SYNDIG1L: variants seen among roughly 807,000 people sequenced by gnomAD.
SYNDIG1L encodes the protein synapse differentiation-inducing gene protein 1-like.
SYNDIG1L carries 13 observed loss-of-function variants against 20.1 expected under a neutral mutation model. The ratio of observed to expected loss-of-function variants is 0.65; its 90% confidence interval spans 0.42 to 1.03. The LOEUF (loss-of-function observed/expected upper bound fraction) is 1.03, where lower values mean the gene tolerates loss of function less well. Among genes scored for constraint, SYNDIG1L ranks in the 50% least tolerant of loss-of-function variants. The pLI is 0.00. For synonymous variants in SYNDIG1L, 128 were observed against 129.3 expected, an observed-to-expected ratio of 0.99 and a Z score of 0.07; for missense variants, 294 against 305.1, an observed-to-expected ratio of 0.96 and a Z score of 0.27.
At chr14:74,429,759 G>A (rs2086290205), upstream of SYNDIG1L, among the ~76,000 whole-genome samples, 1 of 152,254 alleles carries the variant, frequency 6.6e-6, no homozygotes, top group Non-Finnish European at 1.5e-5. Context: ...ACAGTTCCAA[G>A]GAAGGGTGCA....
chr14:74,476,453 G>T, the SYNDIG1L span: 1 of 1,303,958 alleles, frequency 7.7e-7, no homozygotes, highest in Non-Finnish European at 1.1e-6. Context: ...CCTTCTCCAA[G>T]CCCCTGCAGG....
chr14:74,467,065 T>C, the SYNDIG1L span, among the ~76,000 whole-genome samples: 4 of 152,226 alleles, frequency 2.6e-5, no homozygotes, highest in East Asian at 7.7e-4. Flanking sequence ...TGGGATTCTG[T>C]GTAAATGCAG....
the SYNDIG1L span, among the ~76,000 whole-genome samples, chr14:74,448,684 CT>C: frequency 2.6e-5 from 4 of 152,098 alleles, 1 homozygote; most frequent in Admixed American, 2.6e-4. Flanking sequence ...AAAGTGTGTT[CT>C]CTGATCATAA....
intron 1 of SYNDIG1L, among the ~76,000 whole-genome samples, chr14:74,417,598 G>A (rs1163600313): frequency 1.3e-5 from 2 of 152,082 alleles, no homozygotes; most frequent in Non-Finnish European, 2.9e-5. Context: ...CCATTGTTTA[G>A]ATGAGGAAAC....
chr14:74,471,759 T>G, the SYNDIG1L span, among the ~76,000 whole-genome samples: 1 of 152,192 alleles, frequency 6.6e-6, no homozygotes, highest in East Asian at 1.9e-4. Context: ...GGTACAAAAA[T>G]GAGCAAGAGT....
At chr14:74,473,003 G>T in the SYNDIG1L span, among the ~76,000 whole-genome samples, 1 of 152,174 alleles carries the variant, frequency 6.6e-6, no homozygotes, top group Non-Finnish European at 1.5e-5. Context: ...GCTTACTCAG[G>T]TCCAGAGTAA....
At chr14:74,477,267 C>T in the SYNDIG1L span, among the ~76,000 whole-genome samples, 2 of 152,210 alleles carry the variant, frequency 1.3e-5, no homozygotes, top group Non-Finnish European at 2.9e-5. Context: ...GACTTTCTTA[C>T]ACGACTCCTT....
At chr14:74,453,219 T>A in the SYNDIG1L span, among the ~76,000 whole-genome samples, 1 of 151,582 alleles carries the variant, frequency 6.6e-6, no homozygotes, top group South Asian at 2.1e-4. Context: ...TGGTGGCACA[T>A]GCCTGTAATC....
upstream of SYNDIG1L, among the ~76,000 whole-genome samples, chr14:74,428,705 GA>G (rs1465216556): frequency 6.6e-6 from 1 of 152,208 alleles, no homozygotes; most frequent in African/African-American, 2.4e-5. Flanking sequence ...GGGAGGAGGG[GA>G]TTGTTGGTAG....
intron 2 of SYNDIG1L, 55 bp from the exon 3 acceptor site, chr14:74,408,044 G>C: frequency 6.5e-7 from 1 of 1,532,836 alleles, no homozygotes; most frequent in Non-Finnish European, 8.8e-7. Context: ...GCCCCATCAG[G>C]CTGGCAAGAG....
the SYNDIG1L span, among the ~76,000 whole-genome samples, chr14:74,436,377 T>G: frequency 6.6e-6 from 1 of 152,082 alleles, no homozygotes; most frequent in South Asian, 2.1e-4. Flanking sequence ...TATAGGCATG[T>G]GCCACCATAC....
At chr14:74,461,516 C>T in the SYNDIG1L span, among the ~76,000 whole-genome samples, 1 of 152,140 alleles carries the variant, frequency 6.6e-6, no homozygotes, top group Non-Finnish European at 1.5e-5. Flanking sequence ...TAGGCTAACA[C>T]CTTCAAGTAC....
chr14:74,477,091 A>ACACAC, the SYNDIG1L span, among the ~76,000 whole-genome samples: 1 of 33,734 alleles, frequency 3.0e-5, no homozygotes, highest in Non-Finnish European at 6.1e-5. Flanking sequence ...CACACACACA[A>ACACAC]CCCTGTCTCC....
chr14:74,429,424 C>T (rs2086288295), upstream of SYNDIG1L, among the ~76,000 whole-genome samples: 1 of 152,250 alleles, frequency 6.6e-6, no homozygotes, highest in African/African-American at 2.4e-5. Flanking sequence ...CATGCATAAA[C>T]TCTTGGTTCT....
At chr14:74,456,836 G>A in the SYNDIG1L span, among the ~76,000 whole-genome samples, 1 of 152,122 alleles carries the variant, frequency 6.6e-6, no homozygotes, top group Non-Finnish European at 1.5e-5. Flanking sequence ...AGCAACAGCT[G>A]TGCCCCTGCA....
At chr14:74,453,044 A>T in the SYNDIG1L span, among the ~76,000 whole-genome samples, 2 of 152,158 alleles carry the variant, frequency 1.3e-5, no homozygotes, top group Non-Finnish European at 2.9e-5. Context: ...ATCTATAGTG[A>T]CACAAAGAAG....
At chr14:74,422,302 G>A (rs1292839844) in intron 1 of SYNDIG1L, among the ~76,000 whole-genome samples, 3 of 152,092 alleles carry the variant, frequency 2.0e-5, no homozygotes, top group Non-Finnish European at 4.4e-5. Flanking sequence ...TGACATAAAC[G>A]GCGGGGGTGA....
At chr14:74,437,986 C>T in the SYNDIG1L span, among the ~76,000 whole-genome samples, 523 of 152,294 alleles carry the variant, frequency 3.4e-3, 3 homozygotes, top group Non-Finnish European at 4.2e-3. Flanking sequence ...AACCTGAAGT[C>T]CTGTCTAGAA....
chr14:74,457,358 C>G, the SYNDIG1L span, among the ~76,000 whole-genome samples: 1 of 152,032 alleles, frequency 6.6e-6, no homozygotes, highest in East Asian at 1.9e-4. Context: ...CTCTCCCATG[C>G]TTTGGGTCAA....
Sources: allele counts gnomAD v4.1 joint callset (sites outside exome capture counted in the v4.1 genomes callset), GRCh38; gene constraint gnomAD v4.1.1; transcripts MANE v1.5; gene names NCBI Gene and HGNC (gene_info 2026-07-23, HGNC 2026-07-21).